APOL2: variants seen among roughly 807,000 people sequenced by gnomAD.
The protein encoded by APOL2 is apolipoprotein L2, also known as apolipoprotein L, 2.
Under a neutral mutation model 7.1 loss-of-function variants are expected in APOL2, and 8 were observed. The ratio of observed to expected loss-of-function variants is 1.12; its 90% CI spans 0.66 to 2.03. The LOEUF (loss-of-function observed/expected upper bound fraction) is 2.03, where lower values mean the gene tolerates loss of function less well. Ranked by LOEUF, APOL2 falls within the 30% of genes most tolerant of loss-of-function variation. The pLI, the probability that APOL2 is intolerant of heterozygous loss-of-function variation, is 0.00. For synonymous variants in APOL2, 177 were observed against 159.9 expected (o/e 1.11, Z -0.81); for missense variants, 471 against 415.1 (o/e 1.13, Z -1.17).
chr22:36,236,017 G>A (rs1338919803), intron 1 of APOL2, among the ~76,000 whole-genome samples: 3 of 152,002 alleles, frequency 2.0e-5, no homozygotes, highest in Non-Finnish European at 4.4e-5. Context: ...GAGAGAAACT[G>A]AGGAAATGAA....
chr22:36,236,682 C>T (rs1466144473), intron 1 of APOL2: 8 of 984,796 alleles, frequency 8.1e-6, no homozygotes, highest in Admixed American at 6.2e-5. Context: ...CAGTGGTTCC[C>T]GGGCATCCTC....
At position 36,227,657 on chromosome 22, in the gene APOL2, C is replaced by A. The variant is rs772080686; in HGVS notation, c.761G>T (p.Gly254Val). The change falls in exon 5 of 5, where the codon GGT (glycine) becomes GTT (valine). Residue 254 changes from glycine (G) to valine (V), a missense_variant. Physicochemically the swap from Gly to Val is moderately radical, Grantham distance 109. Transcript: ENST00000358502. ...HVIGRISAEG[G>V]EQVERVVEGP... is the part of the protein sequence containing the mutation. ...TTCAACAACCCTCTCAACCTGTTCA[C>A]CGCCTTCAGCTGAGATTCGCCCAAT... is the stretch of plus-strand genomic sequence containing the variant. 6.2e-6 allele frequency: 10 copies of A among 1,614,234 alleles called. No homozygotes were observed. The highest frequency in any genetic ancestry group is 8.5e-6 in the Non-Finnish European group (10 of 1,180,030).
At chr22:36,231,820 G>A (rs1041050660) in intron 3 of APOL2, among the ~76,000 whole-genome samples, 1 of 152,216 alleles carries the variant, frequency 6.6e-6, no homozygotes, top group Non-Finnish European at 1.5e-5. Flanking sequence ...CCGCAAGCCA[G>A]CAAGAGAGTC....
At chr22:36,236,238 T>C (rs2015399917) in intron 1 of APOL2, among the ~76,000 whole-genome samples, 3 of 152,204 alleles carry the variant, frequency 2.0e-5, no homozygotes, top group Admixed American at 2.0e-4. Flanking sequence ...CTAAATATAC[T>C]TGTTACCGAT....
At chr22:36,233,513 A>G (rs1014799067) in intron 1 of APOL2, 58 bp from the exon 2 acceptor site, 43 of 1,449,086 alleles carry the variant, frequency 3.0e-5, no homozygotes, top group Middle Eastern at 1.7e-4. Context: ...ATCATTACAG[A>G]AACTACAGAG....
At chr22:36,237,851 G>A (rs114074570) in intron 1 of APOL2, among the ~76,000 whole-genome samples, 3,609 of 152,146 alleles carry the variant, frequency 0.024, 131 homozygotes, top group African/African-American at 0.082. Flanking sequence ...ACCCACTGAC[G>A]CCCTGCTTCG....
upstream of APOL2, chr22:36,239,764 G>T: frequency 2.0e-6 from 1 of 506,470 alleles, no homozygotes; most frequent in Non-Finnish European, 3.6e-6. Context: ...AAGGTCTGCT[G>T]TGTCAGCTGC....
chr22:36,235,371 G>T (rs2015361209), intron 1 of APOL2, among the ~76,000 whole-genome samples: 1 of 152,152 alleles, frequency 6.6e-6, no homozygotes, highest in African/African-American at 2.4e-5. Flanking sequence ...AAAGGTGAAA[G>T]TGGGGAAACA....
rs1179277414 is a variant in APOL2 at position 36,231,422 on chromosome 22, G to T, written c.55C>A (p.Gln19Lys). ...IEDYLKYFQD[Q>K]VSRENLLQLL... Reference sequence around the variant, plus strand: ...TGTAGCAGATTCTCTCTGCTCACTTGGTCCTGGAAATACTTAAGGTAATCC... The same window carrying T: ...TGTAGCAGATTCTCTCTGCTCACTTTGTCCTGGAAATACTTAAGGTAATCC... Residue 19 changes from glutamine (Q) to lysine (K), a missense_variant, in exon 4 of 5, where the codon CAA (glutamine) becomes AAA (lysine). Transcript: ENST00000358502. The T allele has an allele frequency of 8.7e-6, 14 of 1,613,958 alleles. No individual in the cohort carries two copies. The highest frequency in any genetic ancestry group is 2.7e-5 in the African/African-American group (2 of 74,918).
intron 4 of APOL2, among the ~76,000 whole-genome samples, chr22:36,229,671 G>C (rs1227096869): frequency 6.6e-6 from 1 of 152,200 alleles, no homozygotes; most frequent in Non-Finnish European, 1.5e-5. Context: ...ATCTAAGGAT[G>C]ATTTTAGGAA....
At chr22:36,231,494 T>G in intron 3 of APOL2, 28 bp from the exon 4 acceptor site, 1 of 1,609,998 alleles carries the variant, frequency 6.2e-7, no homozygotes, top group South Asian at 1.1e-5. Context: ...AGGATAAGGT[T>G]GGAGGATAGT....
intron 1 of APOL2, among the ~76,000 whole-genome samples, chr22:36,237,709 C>T (rs753137012): frequency 5.9e-5 from 9 of 152,214 alleles, no homozygotes; most frequent in Admixed American, 1.3e-4. Flanking sequence ...TGGCACTGCA[C>T]CCTTCTGAGG....
At chr22:36,239,743 C>G, upstream of APOL2, 2 of 540,280 alleles carry the variant, frequency 3.7e-6, no homozygotes, top group East Asian at 3.1e-5. Context: ...TGCCTCACAT[C>G]CTCAGGATTC....
rs1229709838 is a variant in APOL2, at chr22:36,227,915, A to G, written c.503T>C (p.Val168Ala). ...AAAVAGITCS[V>A]VELVNKLRAR... is the part of the protein sequence containing the mutation. ...CCGCAATTTGTTTACTAGTTCTACCACACTGCAGGTAATCCCAGCCACAGC... is the reference window on the plus strand; with the variant it reads ...CCGCAATTTGTTTACTAGTTCTACCGCACTGCAGGTAATCCCAGCCACAGC... Residue 168 changes from valine to alanine, a missense_variant, in exon 5 of 5, where the codon GTG (valine) becomes GCG (alanine). By Grantham distance (64) the Val-to-Ala change is moderately conservative (BLOSUM62 0). Coordinates refer to ENST00000358502, the MANE Select transcript of APOL2 (RefSeq NM_030882.4). The G allele has an allele frequency of 1.9e-6, 3 of 1,614,072 alleles. No homozygotes were observed.
At chr22:36,228,805 A>T (rs1408519118) in intron 4 of APOL2, among the ~76,000 whole-genome samples, 1 of 152,130 alleles carries the variant, frequency 6.6e-6, no homozygotes, top group Admixed American at 6.6e-5. Flanking sequence ...CAGTATAGCG[A>T]TGTGATGGAT....
chr22:36,235,748 GGTGGGTGGGTGT>G lies in APOL2; in HGVS notation c.-133-2305_-133-2294del, dbSNP rs1367982390. ...GAGCCACCGGGAGGAAGAAAGGGTG[GGTGGGTGGGTGT>G]GTGTGTGTGTGTGTGTGTGTGTGTG... On this transcript the variant is annotated intron_variant, in intron 1 of 4. Coordinates refer to ENST00000358502, the MANE Select transcript of APOL2 (RefSeq NM_030882.4). Among the ~76,000 whole-genome samples, 795 of 110,730 alleles carry G rather than the reference GGTGGGTGGGTGT, an allele frequency of 7.2e-3. 13 individuals are homozygous for G. The highest frequency in any genetic ancestry group is 0.029 in the African/African-American group (709 of 24,128). The allele number at this position is 110,730 out of a possible 152,430, so 72.6% of individuals were successfully genotyped here.
chr22:36,237,534 A>G (rs527876361), intron 1 of APOL2, among the ~76,000 whole-genome samples: 3 of 152,246 alleles, frequency 2.0e-5, no homozygotes, highest in Non-Finnish European at 4.4e-5. Context: ...TCAGCCTTCC[A>G]GGTAGCTGGG....
At chr22:36,237,109 T>A (rs766489954) in intron 1 of APOL2, 1 of 1,534,598 alleles carries the variant, frequency 6.5e-7, no homozygotes, top group South Asian at 1.2e-5. Context: ...TCCTCCTGGG[T>A]CATTGTTGGC....
intron 1 of APOL2, 141 bp from the exon 2 acceptor site, chr22:36,233,596 A>G: frequency 1.4e-6 from 1 of 716,892 alleles, no homozygotes; most frequent in Non-Finnish European, 2.4e-6. Flanking sequence ...TATGATAACT[A>G]GTTGATGATA....
Sources: allele counts gnomAD v4.1 joint callset (sites outside exome capture counted in the v4.1 genomes callset), GRCh38; gene constraint gnomAD v4.1.1; transcripts MANE v1.5; gene names NCBI Gene and HGNC (gene_info 2026-07-23, HGNC 2026-07-21).